The following SYNRG variants were observed in gnomAD, a reference collection of about 807,000 sequenced individuals.
SYNRG encodes the protein synergin gamma, also known as AP1 gamma subunit binding protein 1.
In SYNRG, 37 loss-of-function variants were observed where a neutral mutation model predicts 130.9. That is an observed-to-expected ratio of 0.28 (90% CI 0.22 to 0.37). The LOEUF is 0.37. Ranked by LOEUF, SYNRG falls within the 10% of genes least tolerant of loss-of-function variation. The probability of loss-of-function intolerance (pLI) is 1.00; values close to 1 mark genes in which losing one functional copy is unlikely to be tolerated. For missense variants in SYNRG, 1,338 were observed against 1,588.9 expected, an observed-to-expected ratio of 0.84 and a Z score of 2.68; for synonymous variants, 539 against 568.1, an observed-to-expected ratio of 0.95 and a Z score of 0.73.
At chr17:37,596,817 G>A (rs1022209592) in intron 2 of SYNRG, among the ~76,000 whole-genome samples, 3 of 152,060 alleles carry the variant, frequency 2.0e-5, no homozygotes, top group Non-Finnish European at 4.4e-5. Context: ...AGGCTGGAGT[G>A]CAGTGGCATG....
intron 1 of SYNRG, among the ~76,000 whole-genome samples, chr17:37,609,019 T>C (rs2064123118): frequency 3.9e-5 from 4 of 102,044 alleles, no homozygotes; most frequent in Admixed American, 1.2e-4. Flanking sequence ...CCTCATCTTC[T>C]CTCCCCTCCC....
rs760786389 is a variant in SYNRG at position 37,518,607 on chromosome 17, A to G, written c.*333T>C. 7 of 255,120 alleles carry G rather than the reference A, an allele frequency of 2.7e-5. No homozygotes were observed. Among genetic ancestry groups the G allele is most frequent in the Admixed American group, 9.8e-5 (2 of 20,396 alleles). 15.8% of individuals were successfully genotyped at this position (255,120 alleles called of 1,614,324 possible). A position where few individuals can be genotyped will look rare whatever the true frequency, so the allele number is the denominator to read the frequency against. ...TCGCCCATTCTAGTCCCGCAACGGT[A>G]ATCTATTTTTCTTCAAATGTCAGTT... On this transcript the variant is annotated 3_prime_UTR_variant, in exon 22 of 22. Coordinates refer to ENST00000612223, the MANE Select transcript of SYNRG (RefSeq NM_007247.6).
chr17:37,571,928 G>C lies in SYNRG; in HGVS notation c.961C>G (p.Leu321Val). Residue 321 changes from leucine (L) to valine (V), a missense_variant, in exon 9 of 22, where the codon CTG (leucine) becomes GTG (valine). Coordinates refer to ENST00000612223, the MANE Select transcript of SYNRG (RefSeq NM_007247.6). ...MTPTGIDTAK[L>V]YPILMSSGLP... is the part of the protein sequence containing the mutation. ...CCAGATGACATCAGAATGGGATACAGTTTGGCAGTATCTATTCCAGTTGGA... is the reference window on the plus strand; with the variant it reads ...CCAGATGACATCAGAATGGGATACACTTTGGCAGTATCTATTCCAGTTGGA... 1 of 1,614,182 alleles carries C rather than the reference G, an allele frequency of 6.2e-7. No individual in the cohort carries two copies. Among genetic ancestry groups the C allele is most frequent in the African/African-American group, 1.3e-5 (1 of 75,054 alleles).
rs772287125 is a variant in SYNRG, at chr17:37,561,541, T to C, written c.1530A>G (p.Ser510=). The C allele has an allele frequency of 6.2e-7, 1 of 1,613,738 alleles. No individual in the cohort carries two copies. The highest frequency in any genetic ancestry group is 1.3e-5 in the African/African-American group (1 of 75,032). Residue 510 remains serine (S), a synonymous_variant, in exon 12 of 22, where the codon TCA becomes TCG. Transcript: ENST00000612223. ...CTTTAAACACAGCATATTTGTCCATTGAAGGCAATGCTTTAGTTCCAGGAA... is the reference window on the plus strand; with the variant it reads ...CTTTAAACACAGCATATTTGTCCATCGAAGGCAATGCTTTAGTTCCAGGAA... ...MPLPGTKALP[S]MDKYAVFKGI...
chr17:37,589,946 A>G (rs1437452653), intron 3 of SYNRG, among the ~76,000 whole-genome samples: 2 of 152,000 alleles, frequency 1.3e-5, no homozygotes, highest in African/African-American at 4.8e-5. Flanking sequence ...TGAGGCAGGC[A>G]GATCACTTGA....
rs1335122138 is a variant in SYNRG at position 37,540,628 on chromosome 17, T to C, written c.3203-85A>G. 8 of 1,157,206 alleles carry C rather than the reference T, an allele frequency of 6.9e-6. No homozygotes were observed. In the Admixed American group the frequency reaches 2.1e-4, roughly 31 times the overall value. The allele number at this position is 1,157,206 out of a possible 1,614,324, so 71.7% of individuals were successfully genotyped here. A position where few individuals can be genotyped will look rare whatever the true frequency, so the allele number is the denominator to read the frequency against. On this transcript the variant is annotated intron_variant, in intron 15 of 21. Transcript: ENST00000612223. ...GCTCTTCCTCGCTACCACAACCCTCTTCTTTTTTTTTTTTTTTTTTTTTTG... is the reference window on the plus strand; with the variant it reads ...GCTCTTCCTCGCTACCACAACCCTCCTCTTTTTTTTTTTTTTTTTTTTTTG...
At chr17:37,594,611 A>T (rs2062594826) in intron 3 of SYNRG, among the ~76,000 whole-genome samples, 1 of 151,636 alleles carries the variant, frequency 6.6e-6, no homozygotes, top group African/African-American at 2.4e-5. Flanking sequence ...ACAGGCATGC[A>T]CCACCACGCC....
chr17:37,595,740 C>G (rs1035339158), intron 3 of SYNRG, among the ~76,000 whole-genome samples: 4 of 150,420 alleles, frequency 2.7e-5, no homozygotes, highest in Non-Finnish European at 5.9e-5. Context: ...AAGCAAAAAC[C>G]TTTTTTTCCT....
At chr17:37,569,267 G>A (rs1272033590) in intron 10 of SYNRG, among the ~76,000 whole-genome samples, 1 of 152,138 alleles carries the variant, frequency 6.6e-6, no homozygotes, top group East Asian at 1.9e-4. Flanking sequence ...AAAATTAGCT[G>A]CGCATGGTGG....
intron 19 of SYNRG, among the ~76,000 whole-genome samples, chr17:37,531,089 G>A (rs550503269): frequency 1.3e-5 from 2 of 152,218 alleles, no homozygotes; most frequent in South Asian, 2.1e-4. Flanking sequence ...TTCCTACCAA[G>A]CCAGGCATGG....
intron 15 of SYNRG, 51 bp downstream of exon 15, chr17:37,541,921 T>C (rs576900657): frequency 2.0e-6 from 3 of 1,501,410 alleles, no homozygotes; most frequent in Middle Eastern, 1.8e-4. Context: ...ACATCTAACA[T>C]CTCAGTGGAA....
chr17:37,540,304 C>T, intron 16 of SYNRG, 76 bp downstream of exon 16: 1 of 1,532,622 alleles, frequency 6.5e-7, no homozygotes, highest in Non-Finnish European at 8.9e-7. Flanking sequence ...CATGTGAAAG[C>T]TGACAGCATT....
intron 13 of SYNRG, 31 bp downstream of exon 13, chr17:37,561,164 A>C (rs1240254615): frequency 6.3e-7 from 1 of 1,580,390 alleles, no homozygotes; most frequent in Non-Finnish European, 8.7e-7. Context: ...AAATGGAAAT[A>C]ATTTATCCTT....
intron 11 of SYNRG, among the ~76,000 whole-genome samples, chr17:37,562,800 G>A (rs189106077): frequency 6.6e-6 from 1 of 152,006 alleles, no homozygotes; most frequent in Non-Finnish European, 1.5e-5. Context: ...ACAGTTCACT[G>A]TACAGAATGT....
At chr17:37,607,977 A>AC (rs1555802868) in intron 1 of SYNRG, among the ~76,000 whole-genome samples, 23,396 of 121,872 alleles carry the variant, frequency 0.19, 2,608 homozygotes, top group East Asian at 0.54. Context: ...AAAAAAAAAA[A>AC]AAACAAGACA....
intron 19 of SYNRG, among the ~76,000 whole-genome samples, chr17:37,531,594 T>G (rs1470221421): frequency 6.6e-6 from 1 of 152,048 alleles, no homozygotes; most frequent in Non-Finnish European, 1.5e-5. Context: ...CTGAGCAACA[T>G]GGCAAAACCC....
intron 18 of SYNRG, 194 bp from the exon 19 acceptor site, chr17:37,536,321 C>T: frequency 1.5e-6 from 1 of 674,814 alleles, no homozygotes; most frequent in Non-Finnish European, 2.3e-6. Flanking sequence ...ATAGAAGCTG[C>T]ACTGCTTGGG....
In SYNRG at chr17:37,518,817, G is replaced by A; in HGVS notation, c.*123C>T. 1 of 1,418,448 alleles carries A rather than the reference G, an allele frequency of 7.0e-7. No individual in the cohort carries two copies. Among genetic ancestry groups the A allele is most frequent in the South Asian group, 1.4e-5 (1 of 69,332 alleles). The allele number at this position is 1,418,448 out of a possible 1,614,324, so 87.9% of individuals were successfully genotyped here. On this transcript the variant is annotated 3_prime_UTR_variant, in exon 22 of 22. Transcript: ENST00000612223. Reference sequence around the variant, plus strand: ...GGGGATGACGGGGGCCCCGTCCCTTGCGGTGTTCTTCATATCGATTCAGGG... The same window carrying A: ...GGGGATGACGGGGGCCCCGTCCCTTACGGTGTTCTTCATATCGATTCAGGG...
Position 37,568,845 on chromosome 17 carries a change from T to C in SYNRG, c.1427A>G (p.Asp476Gly). 5 of 1,614,106 alleles carry C rather than the reference T, an allele frequency of 3.1e-6. No individual in the cohort carries two copies. Among genetic ancestry groups the C allele is most frequent in the Non-Finnish European group, 4.2e-6 (5 of 1,179,994 alleles). The change falls in exon 11 of 22, where the codon GAT becomes GGT. Residue 476 changes from aspartate to glycine, a missense_variant. Asp to Gly is a moderately conservative substitution (Grantham distance 94, BLOSUM62 -1). Around this residue, in one of 3 missense-constraint regions of SYNRG, gnomAD observed 1,146 missense variants for 1,342.3 expected, o/e 0.85. Transcript: ENST00000612223. ...KSGSLDDSFS[D>G]FQELPASSKT... Reference sequence around the variant, plus strand: ...TGAAGAAGCAGGCAACTCTTGGAAATCACTGAATGAGTCATCAAGGGATCC... The same window carrying C: ...TGAAGAAGCAGGCAACTCTTGGAAACCACTGAATGAGTCATCAAGGGATCC...
Sources: allele counts gnomAD v4.1 joint callset (sites outside exome capture counted in the v4.1 genomes callset), GRCh38; gene constraint gnomAD v4.1.1; regional missense constraint gnomAD v4.1.1; transcripts MANE v1.5; gene names NCBI Gene and HGNC (gene_info 2026-07-23, HGNC 2026-07-21).